TXNDC11: variants seen among roughly 807,000 people sequenced by gnomAD.
TXNDC11 encodes thioredoxin domain containing 11, also known as thioredoxin domain-containing protein 11.
In TXNDC11, 68 loss-of-function variants were observed where a neutral mutation model predicts 78.0. That is an observed-to-expected ratio of 0.87 (90% confidence interval 0.72 to 1.07). TXNDC11 has a LOEUF of 1.07. TXNDC11 is among the 50% of genes least tolerant of loss of function. TXNDC11 has a pLI of 0.00. For missense variants in TXNDC11, 1,389 were observed against 1,221.8 expected (o/e 1.14, Z -2.04); for synonymous variants, 571 against 495.2 (o/e 1.15, Z -2.03).
chr16:11,724,109 C>T (rs2051801217), intron 4 of TXNDC11, among the ~76,000 whole-genome samples: 1 of 152,084 alleles, frequency 6.6e-6, no homozygotes, highest in Non-Finnish European at 1.5e-5. Context: ...CTGGTGAAAT[C>T]CCATCTCTAC....
chr16:11,686,635 C>T (rs924320465), intron 10 of TXNDC11, among the ~76,000 whole-genome samples: 1 of 152,196 alleles, frequency 6.6e-6, no homozygotes, highest in African/African-American at 2.4e-5. Flanking sequence ...CTTAAAACCA[C>T]TGATTACTTT....
chr16:11,742,726 G>C lies in TXNDC11; in HGVS notation c.5C>G (p.Ser2Trp). 6.8e-7 allele frequency: 1 copy of C among 1,479,318 alleles called. No individual in the cohort carries two copies. Among genetic ancestry groups the C allele is most frequent in the Non-Finnish European group, 8.9e-7 (1 of 1,124,368 alleles). The allele number at this position is 1,479,318 out of a possible 1,614,324, so 91.6% of individuals were successfully genotyped here. Reference protein sequence around the residue: MSECGGRGGGSS... With the variant: MWECGGRGGGSS... ...GCCGCCGCCGCGGCCTCCGCATTCCGACATTACATGCTCCCAGTCGCCGGC... is the reference window on the plus strand; with the variant it reads ...GCCGCCGCCGCGGCCTCCGCATTCCCACATTACATGCTCCCAGTCGCCGGC... Residue 2 changes from serine to tryptophan, a missense_variant, in exon 1 of 12, where the codon TCG becomes TGG. Ser to Trp is a radical substitution (Grantham distance 177, BLOSUM62 -3). Transcript: ENST00000283033.
chr16:11,694,058 A>G (rs2050790352), intron 7 of TXNDC11, among the ~76,000 whole-genome samples: 1 of 148,592 alleles, frequency 6.7e-6, no homozygotes, highest in African/African-American at 2.5e-5. Flanking sequence ...CACGTAAAGA[A>G]TATTTTTAAT....
intron 5 of TXNDC11, among the ~76,000 whole-genome samples, chr16:11,704,184 A>G (rs1045413367): frequency 1.3e-5 from 2 of 152,232 alleles, no homozygotes; most frequent in Non-Finnish European, 2.9e-5. Flanking sequence ...CCTAGTAGCC[A>G]AAGTTGGAAC....
intron 11 of TXNDC11, among the ~76,000 whole-genome samples, chr16:11,683,148 T>C (rs901390373): frequency 9.8e-5 from 15 of 152,330 alleles, no homozygotes; most frequent in African/African-American, 3.6e-4. Flanking sequence ...TATTAGGCTC[T>C]AAAGGACCAA....
chr16:11,701,674 C>T (rs2051030508), intron 5 of TXNDC11, among the ~76,000 whole-genome samples: 1 of 152,018 alleles, frequency 6.6e-6, no homozygotes, highest in African/African-American at 2.4e-5. Flanking sequence ...ATAAACTCAA[C>T]CTCACTATCC....
chr16:11,713,850 G>GA (rs564232827), intron 5 of TXNDC11, among the ~76,000 whole-genome samples: 1,846 of 149,176 alleles, frequency 0.012, 18 homozygotes, highest in Non-Finnish European at 0.018. Context: ...AATTACCCAA[G>GA]AAAAAAAAAC....
chr16:11,684,212 T>C lies in TXNDC11; in HGVS notation c.2187A>G (p.Glu729=). 6.2e-7 allele frequency: 1 copy of C among 1,613,748 alleles called. No individual in the cohort carries two copies. Among genetic ancestry groups the C allele is most frequent in the Non-Finnish European group, 8.5e-7 (1 of 1,179,758 alleles). The change falls in exon 11 of 12, where the codon GAA becomes GAG. Residue 729 remains glutamate, a synonymous_variant. Coordinates refer to ENST00000283033, the MANE Select transcript of TXNDC11 (RefSeq NM_015914.7). ...IDVSQNDLPW[E]FMVDRLPTVL... ...CAGTAGGAAGACGATCGACCATAAA[T>C]TCCCAAGGAAGGTCATTCTGAGACA...
chr16:11,710,974 A>ACAG (rs145213289), intron 5 of TXNDC11, among the ~76,000 whole-genome samples: 10,412 of 152,180 alleles, frequency 0.068, 472 homozygotes, highest in South Asian at 0.18. Context: ...TATTAGTGCA[A>ACAG]CAGCAGCTCC....
At chr16:11,687,255 TTATC>T (rs1398322161) in intron 10 of TXNDC11, among the ~76,000 whole-genome samples, 6 of 152,198 alleles carry the variant, frequency 3.9e-5, no homozygotes, top group Non-Finnish European at 7.3e-5. Flanking sequence ...TATTTAACTC[TTATC>T]TATCTGTAGG....
At chr16:11,693,457 C>T (rs1355536375) in intron 7 of TXNDC11, among the ~76,000 whole-genome samples, 4 of 150,946 alleles carry the variant, frequency 2.6e-5, no homozygotes, top group African/African-American at 7.3e-5. Flanking sequence ...TTTTGTTTCG[C>T]TGTGTGTGTG....
intron 5 of TXNDC11, among the ~76,000 whole-genome samples, chr16:11,701,255 G>A (rs2051014051): frequency 6.8e-6 from 1 of 147,706 alleles, no homozygotes; most frequent in Non-Finnish European, 1.5e-5. Flanking sequence ...TCCTGCTTCA[G>A]CCTCCCAAGT....
At chr16:11,705,770 A>G (rs1201025574) in intron 5 of TXNDC11, among the ~76,000 whole-genome samples, 6 of 152,230 alleles carry the variant, frequency 3.9e-5, no homozygotes, top group Admixed American at 3.9e-4. Flanking sequence ...GTTCTAGCAT[A>G]TGGTGGAAAT....
At chr16:11,708,216 T>A (rs2051239750) in intron 5 of TXNDC11, among the ~76,000 whole-genome samples, 1 of 152,236 alleles carries the variant, frequency 6.6e-6, no homozygotes, top group African/African-American at 2.4e-5. Context: ...TAGCCTGAGA[T>A]GATAAATCCA....
chr16:11,710,260 T>C (rs1250366647), intron 5 of TXNDC11, among the ~76,000 whole-genome samples: 1 of 152,010 alleles, frequency 6.6e-6, no homozygotes, highest in Non-Finnish European at 1.5e-5. Flanking sequence ...ATATATCCAC[T>C]GAGAAACCTC....
chr16:11,705,917 A>G (rs2051167914), intron 5 of TXNDC11, among the ~76,000 whole-genome samples: 1 of 152,236 alleles, frequency 6.6e-6, no homozygotes, highest in African/African-American at 2.4e-5. Context: ...TTTTCTGATA[A>G]GCAGAGCTCC....
intron 5 of TXNDC11, among the ~76,000 whole-genome samples, chr16:11,717,372 T>C (rs1025788187): frequency 7.0e-6 from 1 of 141,912 alleles, no homozygotes; most frequent in Non-Finnish European, 1.5e-5. Context: ...TGGGCGGAGG[T>C]TGCAGTGAGC....
intron 2 of TXNDC11, 134 bp from the exon 3 acceptor site, chr16:11,734,213 G>T: frequency 1.5e-6 from 1 of 674,870 alleles, no homozygotes; most frequent in Admixed American, 3.2e-5. Flanking sequence ...ACTGTTTTGA[G>T]TTTTCAAAGG....
rs1348712474 is a variant in TXNDC11, at chr16:11,691,833, T to C, written c.1357A>G (p.Met453Val). Reference protein sequence around the residue: ...ELCVNQTSGGMKPSSVSVPQC... With the variant: ...ELCVNQTSGGVKPSSVSVPQC... ...GGCACGCTGACCGAGCTCGGCTTCA[T>C]GCCCCCGGAGGTCTGGTTGACACAG... The change falls in exon 8 of 12, where the codon ATG (methionine) becomes GTG (valine). Residue 453 changes from methionine to valine, a missense_variant. Physicochemically the swap from Met to Val is conservative, Grantham distance 21 (BLOSUM62 1). Transcript: ENST00000283033. The C allele has an allele frequency of 6.2e-7, 1 of 1,614,256 alleles. No individual in the cohort carries two copies. The highest frequency in any genetic ancestry group is 8.5e-7 in the Non-Finnish European group (1 of 1,180,036).
Sources: gnomAD v4.1 joint callset for allele counts (sites outside exome capture counted in the v4.1 genomes callset) on GRCh38, gnomAD v4.1.1 for gene constraint, MANE v1.5 for transcripts, NCBI Gene and HGNC (gene_info 2026-07-23, HGNC 2026-07-21) for gene names.